Variants in ATP2C1 observed in about 807,000 individuals in gnomAD.
ATP2C1 encodes ATPase secretory pathway Ca2+ transporting 1.
ATP2C1 carries 31 observed loss-of-function variants against 120.5 expected under a neutral mutation model. The ratio of observed to expected loss-of-function variants is 0.26; its 90% confidence interval spans 0.19 to 0.35. The LOEUF (loss-of-function observed/expected upper bound fraction) is 0.35, where lower values mean the gene tolerates loss of function less well. Among genes scored for constraint, ATP2C1 ranks in the 10% least tolerant of loss-of-function variants. The probability of loss-of-function intolerance (pLI) is 1.00; values close to 1 mark genes in which losing one functional copy is unlikely to be tolerated. For missense variants in ATP2C1, 731 were observed against 1,107.5 expected (o/e 0.66, Z 4.83); for synonymous variants, 351 against 358.7 (o/e 0.98, Z 0.24).
At chr3:130,983,845 T>A (rs1234557052) in intron 20 of ATP2C1, among the ~76,000 whole-genome samples, 1 of 152,232 alleles carries the variant, frequency 6.6e-6, no homozygotes, top group Non-Finnish European at 1.5e-5. Context: ...GCTTAGTAGC[T>A]CATTTCTTGT....
chr3:130,885,366 T>C (rs2068938942), intron 1 of ATP2C1, among the ~76,000 whole-genome samples: 3 of 152,196 alleles, frequency 2.0e-5, no homozygotes, highest in Non-Finnish European at 4.4e-5. Context: ...AGAGACTTTC[T>C]CTTACTATTT....
chr3:130,993,963 T>G lies in ATP2C1; in HGVS notation c.1922T>G (p.Met641Arg). ...CAGAAGAACGGTTCAGTTGTAGCCA[T>G]GACAGGAGATGGAGTAAATGATGCA... The part of the protein sequence containing the change: ...SLQKNGSVVA[M>R]TGDGVNDAVA... Residue 641 changes from methionine (M) to arginine (R), a missense_variant, in exon 22 of 28, where the codon ATG becomes AGG. Met to Arg is a moderately conservative substitution (Grantham distance 91, BLOSUM62 -1). Transcript: ENST00000510168. 6.2e-7 allele frequency: 1 copy of G among 1,614,176 alleles called. No individual in the cohort carries two copies. Among genetic ancestry groups the G allele is most frequent in the Non-Finnish European group, 8.5e-7 (1 of 1,180,010 alleles).
intron 1 of ATP2C1, among the ~76,000 whole-genome samples, chr3:130,855,400 G>T (rs1050198330): frequency 2.9e-4 from 44 of 152,192 alleles, no homozygotes; most frequent in African/African-American, 9.9e-4. Flanking sequence ...GAAGCCGTGG[G>T]GTTGGAGGGT....
At chr3:130,928,952 A>G (rs190654153) in intron 2 of ATP2C1, among the ~76,000 whole-genome samples, 31 of 152,318 alleles carry the variant, frequency 2.0e-4, no homozygotes, top group African/African-American at 6.0e-4. Flanking sequence ...GAACGGTTCA[A>G]TGAAGTCTTT....
intron 2 of ATP2C1, among the ~76,000 whole-genome samples, chr3:130,927,041 A>G (rs994620394): frequency 6.6e-6 from 1 of 151,864 alleles, no homozygotes; most frequent in Non-Finnish European, 1.5e-5. Flanking sequence ...TTTACCCTTC[A>G]CCTCTATTCT....
chr3:130,999,641 G>C lies in ATP2C1; in HGVS notation c.2611G>C (p.Glu871Gln). The change falls in exon 27 of 28, where the codon GAG becomes CAG. Residue 871 changes from glutamate to glutamine, a missense_variant. Physicochemically the swap from Glu to Gln is conservative, Grantham distance 29. Transcript: ENST00000510168. ...FPPLQKVFQT[E>Q]SLSILDLLFL... ...TCCGCTTCAGAAGGTTTTTCAGACT[G>C]AGAGCCTAAGCATACTGGGTAAAGA... The C allele has an allele frequency of 6.2e-7, 1 of 1,612,884 alleles. No individual in the cohort carries two copies. Among genetic ancestry groups the C allele is most frequent in the Non-Finnish European group, 8.5e-7 (1 of 1,179,070 alleles).
At chr3:130,997,801 T>C in intron 25 of ATP2C1, 48 bp downstream of exon 25, 1 of 1,594,826 alleles carries the variant, frequency 6.3e-7, no homozygotes, top group Admixed American at 1.7e-5. Flanking sequence ...TCTGTATATC[T>C]GATAGGATTC....
intron 27 of ATP2C1, among the ~76,000 whole-genome samples, chr3:130,999,957 C>A (rs2062810060): frequency 6.6e-6 from 1 of 152,030 alleles, no homozygotes. Flanking sequence ...ATGTACTATG[C>A]CATCTTGTAT....
chr3:130,953,334 T>C (rs2060448926), intron 8 of ATP2C1, among the ~76,000 whole-genome samples: 1 of 152,146 alleles, frequency 6.6e-6, no homozygotes, highest in Admixed American at 6.6e-5. Flanking sequence ...ACGGCATGTA[T>C]AACAATAATG....
intron 1 of ATP2C1, among the ~76,000 whole-genome samples, chr3:130,862,522 T>A (rs1043341542): frequency 6.6e-6 from 1 of 152,096 alleles, no homozygotes; most frequent in Non-Finnish European, 1.5e-5. Flanking sequence ...GAAAGATAAT[T>A]CAGATACTCC....
upstream of ATP2C1, chr3:130,894,015 A>T: frequency 2.0e-6 from 2 of 986,348 alleles, no homozygotes; most frequent in Non-Finnish European, 2.4e-6. This position sits in a 1 kb window ranked among gnomAD's most constrained non-coding sequence, Gnocchi z 4.5. Context: ...CGGCTGGCCC[A>T]GGAGTGCGGG....
At chr3:130,925,629 A>G (rs1383042416) in intron 2 of ATP2C1, among the ~76,000 whole-genome samples, 1 of 152,148 alleles carries the variant, frequency 6.6e-6, no homozygotes, top group Non-Finnish European at 1.5e-5. Context: ...TGCCCTAGAG[A>G]CACTTGGTCA....
intron 2 of ATP2C1, among the ~76,000 whole-genome samples, chr3:130,924,768 TA>T (rs1479431656): frequency 6.6e-6 from 1 of 152,090 alleles, no homozygotes; most frequent in Non-Finnish European, 1.5e-5. Context: ...TTATTTTTTT[TA>T]AAATAATTTT....
At chr3:131,008,222 G>A (rs1344744175) in intron 26 of ATP2C1, among the ~76,000 whole-genome samples, 1 of 152,142 alleles carries the variant, frequency 6.6e-6, no homozygotes, top group African/African-American at 2.4e-5. Context: ...CGGGTTGCTT[G>A]AGGCCAGGAG....
downstream of ATP2C1, among the ~76,000 whole-genome samples, chr3:131,006,575 C>T (rs933628340): frequency 1.3e-5 from 2 of 152,020 alleles, no homozygotes; most frequent in Admixed American, 6.6e-5. Context: ...GCTTTTACCT[C>T]TACTTCAGAG....
intron 27 of ATP2C1, among the ~76,000 whole-genome samples, 190 bp from the exon 28 acceptor site, chr3:131,001,030 G>C (rs536624281): frequency 1.6e-3 from 231 of 148,738 alleles, no homozygotes; most frequent in Non-Finnish European, 2.6e-3. Flanking sequence ...TTGAACCCAG[G>C]AGGCGGAGGT....
chr3:130,883,076 T>C (rs1483546979), intron 1 of ATP2C1, among the ~76,000 whole-genome samples: 2 of 152,204 alleles, frequency 1.3e-5, no homozygotes, highest in Non-Finnish European at 2.9e-5. Context: ...TCTTGGTAGG[T>C]TGTTATGTGT....
intron 19 of ATP2C1, 112 bp from the exon 20 acceptor site, chr3:130,980,470 G>A (rs977882350): frequency 1.1e-5 from 8 of 739,780 alleles, no homozygotes; most frequent in African/African-American, 1.7e-5. Context: ...TGTATTACTG[G>A]TAGGTAACAA....
chr3:130,851,619 T>C (rs192589644), intron 1 of ATP2C1, among the ~76,000 whole-genome samples: 4 of 152,350 alleles, frequency 2.6e-5, no homozygotes, highest in African/African-American at 9.6e-5. Flanking sequence ...TTCCATTTCT[T>C]TGATCTCCAA....
Sources: gnomAD v4.1 joint callset for allele counts (sites outside exome capture counted in the v4.1 genomes callset) on GRCh38, gnomAD v4.1.1 for gene constraint, Gnocchi (gnomAD v3.1) non-coding constraint, MANE v1.5 for transcripts, NCBI Gene and HGNC (gene_info 2026-07-23, HGNC 2026-07-21) for gene names.